SLC25A13: variants seen among roughly 807,000 people sequenced by gnomAD.
SLC25A13 encodes the protein electrogenic aspartate/glutamate antiporter SLC25A13, mitochondrial.
SLC25A13 carries 70 observed loss-of-function variants against 85.5 expected under a neutral mutation model. That is an observed-to-expected ratio of 0.82 (90% CI 0.68 to 1.00). SLC25A13 has a LOEUF of 1.00. Among genes scored for constraint, SLC25A13 ranks in the 50% least tolerant of loss-of-function variants. The probability of loss-of-function intolerance (pLI) is 0.00; values close to 1 mark genes in which losing one functional copy is unlikely to be tolerated. For missense variants in SLC25A13, 765 were observed against 819.8 expected, an observed-to-expected ratio of 0.93 and a Z score of 0.82; for synonymous variants, 259 against 288.7, an observed-to-expected ratio of 0.90 and a Z score of 1.04.
chr7:96,284,572 T>C (rs1360797563), intron 2 of SLC25A13, among the ~76,000 whole-genome samples: 3 of 152,208 alleles, frequency 2.0e-5, no homozygotes, highest in Non-Finnish European at 4.4e-5. Context: ...TATATACTTC[T>C]AAACAGTTGA....
intron 14 of SLC25A13, among the ~76,000 whole-genome samples, chr7:96,134,469 T>G (rs1456908365): frequency 6.6e-6 from 1 of 152,050 alleles, no homozygotes; most frequent in African/African-American, 2.4e-5. Flanking sequence ...AGAAGCAGAT[T>G]AACCTGTCTT....
At chr7:96,283,779 C>A in intron 2 of SLC25A13, 1 of 148,944 alleles carries the variant, frequency 6.7e-6, no homozygotes, top group Non-Finnish European at 1.3e-5. Context: ...GCTTGCATTG[C>A]TGGAAGCTAT....
At chr7:96,244,926 G>T (rs905065281) in intron 3 of SLC25A13, among the ~76,000 whole-genome samples, 1 of 151,928 alleles carries the variant, frequency 6.6e-6, no homozygotes, top group Non-Finnish European at 1.5e-5. Flanking sequence ...TATCACCTCT[G>T]CATATATCAC....
chr7:96,189,401 A>T, intron 8 of SLC25A13, 23 bp from the exon 9 acceptor site: 1 of 1,600,434 alleles, frequency 6.2e-7, no homozygotes, highest in African/African-American at 1.3e-5. Context: ...AACAAACACA[A>T]GCAACAAATA....
intron 1 of SLC25A13, among the ~76,000 whole-genome samples, chr7:96,312,296 G>A (rs186822004): frequency 6.6e-6 from 1 of 152,296 alleles, no homozygotes; most frequent in Admixed American, 6.5e-5. Flanking sequence ...TATTATGAAG[G>A]TGAGAGCACT....
chr7:96,150,826 T>C (rs1201220438), intron 13 of SLC25A13, among the ~76,000 whole-genome samples: 7 of 152,062 alleles, frequency 4.6e-5, no homozygotes, highest in Non-Finnish European at 5.9e-5. Flanking sequence ...TAGTTTGTGG[T>C]ATTTTGTTTT....
intron 13 of SLC25A13, among the ~76,000 whole-genome samples, chr7:96,159,370 A>G (rs1793410779): frequency 6.6e-6 from 1 of 152,230 alleles, no homozygotes. Context: ...GAGGTAATTA[A>G]GAAGAAATGA....
At chr7:96,161,114 A>C (rs1793492773) in intron 13 of SLC25A13, among the ~76,000 whole-genome samples, 1 of 152,176 alleles carries the variant, frequency 6.6e-6, no homozygotes, top group Non-Finnish European at 1.5e-5. Flanking sequence ...AGCCATAATA[A>C]ATAAGCTATA....
At chr7:96,246,585 A>G (rs1331494215) in intron 3 of SLC25A13, among the ~76,000 whole-genome samples, 1 of 152,220 alleles carries the variant, frequency 6.6e-6, no homozygotes, top group East Asian at 1.9e-4. Flanking sequence ...ATTTTTAAAA[A>G]ATACATGAAA....
intron 1 of SLC25A13, 47 bp downstream of exon 1, chr7:96,321,895 G>T: frequency 6.6e-7 from 1 of 1,521,796 alleles, no homozygotes; most frequent in Non-Finnish European, 8.8e-7. Flanking sequence ...CGCACCCCCA[G>T]GCTGATCCGG....
chr7:96,209,408 T>C (rs1795604725), intron 4 of SLC25A13, among the ~76,000 whole-genome samples: 1 of 147,122 alleles, frequency 6.8e-6, no homozygotes, highest in Non-Finnish European at 1.5e-5. Context: ...ACATATAGCC[T>C]TTAACAAGTT....
chr7:96,279,679 C>T (rs956000780), intron 2 of SLC25A13, among the ~76,000 whole-genome samples: 1 of 152,116 alleles, frequency 6.6e-6, no homozygotes, highest in African/African-American at 2.4e-5. Flanking sequence ...GGGACACAGC[C>T]AAGCCATATC....
chr7:96,201,791 G>A (rs748172635), intron 5 of SLC25A13, among the ~76,000 whole-genome samples: 3 of 152,252 alleles, frequency 2.0e-5, no homozygotes, highest in African/African-American at 4.8e-5. Flanking sequence ...GTGGTTGGGC[G>A]GGGGTAGTAG....
At chr7:96,180,201 G>C (rs1464128847) in intron 11 of SLC25A13, among the ~76,000 whole-genome samples, 1 of 152,100 alleles carries the variant, frequency 6.6e-6, no homozygotes, top group Non-Finnish European at 1.5e-5. Context: ...TTCCTCAAAG[G>C]TTAAGCACTG....
At chr7:96,165,003 T>C (rs1438511253) in intron 13 of SLC25A13, among the ~76,000 whole-genome samples, 3 of 152,162 alleles carry the variant, frequency 2.0e-5, no homozygotes, top group South Asian at 4.1e-4. Flanking sequence ...CTGTGAAGAT[T>C]GACAAGATCA....
At position 96,121,116 on chromosome 7, in the gene SLC25A13, T is replaced by A; in HGVS notation, c.*75A>T. 1.6e-5 allele frequency: 23 copies of A among 1,458,012 alleles called. No homozygotes were observed. The highest frequency in any genetic ancestry group is 3.4e-5 in the South Asian group (3 of 87,568). 90.3% of individuals were successfully genotyped at this position (1,458,012 alleles called of 1,614,324 possible). A position where few individuals can be genotyped will look rare whatever the true frequency, so the allele number is the denominator to read the frequency against. ...AGATGGACGTAAAAGGGATGAAGCA[T>A]TGCTTCATTCCCAGGAGGGATGTTC... On this transcript the variant is annotated 3_prime_UTR_variant, in exon 18 of 18. Coordinates refer to ENST00000265631, the MANE Select transcript of SLC25A13 (RefSeq NM_014251.3).
intron 5 of SLC25A13, among the ~76,000 whole-genome samples, chr7:96,207,875 C>T (rs1389023997): frequency 1.3e-5 from 2 of 152,086 alleles, no homozygotes; most frequent in Non-Finnish European, 1.5e-5. Flanking sequence ...ACTGCTACAG[C>T]GGTTAACCCA....
chr7:96,202,239 G>A (rs1484823697), intron 5 of SLC25A13, among the ~76,000 whole-genome samples: 6 of 152,162 alleles, frequency 3.9e-5, no homozygotes, highest in Non-Finnish European at 7.4e-5. Context: ...TGACCAGTCT[G>A]GGATGCCAGA....
chr7:96,203,021 T>G (rs989115204), intron 5 of SLC25A13, among the ~76,000 whole-genome samples: 1 of 152,178 alleles, frequency 6.6e-6, no homozygotes, highest in Admixed American at 6.5e-5. Flanking sequence ...TGTTTGACTC[T>G]TGGCTTAAAA....
Sources: gnomAD v4.1 joint callset for allele counts (sites outside exome capture counted in the v4.1 genomes callset) on GRCh38, gnomAD v4.1.1 for gene constraint, MANE v1.5 for transcripts, NCBI Gene and HGNC (gene_info 2026-07-23, HGNC 2026-07-21) for gene names.